Variants in FRAS1 observed in about 807,000 individuals in gnomAD.
The protein encoded by FRAS1 is Fraser extracellular matrix complex subunit 1, also known as extracellular matrix organizing protein FRAS1.
In FRAS1, 290 loss-of-function variants were observed where a neutral mutation model predicts 435.2. The ratio of observed to expected loss-of-function variants is 0.67; its 90% CI spans 0.61 to 0.73. The LOEUF (loss-of-function observed/expected upper bound fraction) is 0.73, where lower values mean the gene tolerates loss of function less well. FRAS1 is among the 30% of genes least tolerant of loss of function. The pLI is 0.00. For missense variants in FRAS1, 4,860 were observed against 5,001.5 expected (o/e 0.97, Z 0.85); for synonymous variants, 1,800 against 1,851.0 (o/e 0.97, Z 0.71).
At chr4:78,123,336 G>A (rs1342995162) in intron 2 of FRAS1, among the ~76,000 whole-genome samples, 4 of 152,072 alleles carry the variant, frequency 2.6e-5, no homozygotes, top group African/African-American at 7.2e-5. Flanking sequence ...ATTGGTCTAT[G>A]TATCTGTTTT....
At chr4:78,428,157 G>T (rs770821554) in intron 35 of FRAS1, among the ~76,000 whole-genome samples, 1 of 152,142 alleles carries the variant, frequency 6.6e-6, no homozygotes, top group Non-Finnish European at 1.5e-5. Flanking sequence ...CTCAGAGATG[G>T]ATGTTCACTT....
intron 2 of FRAS1, chr4:78,181,980 C>A (rs1722030794): frequency 6.3e-7 from 1 of 1,581,776 alleles, no homozygotes; most frequent in Non-Finnish European, 8.5e-7. Flanking sequence ...TCCGATTCGT[C>A]GTCAAATAAC....
intron 2 of FRAS1, among the ~76,000 whole-genome samples, chr4:78,207,651 G>A (rs1723320296): frequency 6.6e-6 from 1 of 152,160 alleles, no homozygotes; most frequent in South Asian, 2.1e-4. Context: ...TAATAGGTCA[G>A]TGAGCTAAAG....
chr4:78,323,545 T>C (rs1729591805), intron 18 of FRAS1, among the ~76,000 whole-genome samples: 2 of 152,208 alleles, frequency 1.3e-5, no homozygotes, highest in Admixed American at 1.3e-4. Context: ...TCAGTCTTCC[T>C]TCACTGATTC....
intron 58 of FRAS1, 116 bp downstream of exon 58, chr4:78,482,651 T>A: frequency 9.2e-7 from 1 of 1,092,630 alleles, no homozygotes; most frequent in Non-Finnish European, 1.4e-6. Context: ...TATGTGTGTG[T>A]AGATGTGTAT....
chr4:78,438,115 G>A (rs1023792390), intron 38 of FRAS1, among the ~76,000 whole-genome samples: 13 of 151,936 alleles, frequency 8.6e-5, no homozygotes, highest in African/African-American at 1.9e-4. Context: ...TTTTATTATC[G>A]TATTATATGT....
chr4:78,414,387 A>T (rs1733469027), intron 32 of FRAS1, among the ~76,000 whole-genome samples: 1 of 152,234 alleles, frequency 6.6e-6, no homozygotes, highest in African/African-American at 2.4e-5. Context: ...AGACTTTTCA[A>T]GTCACTTAGC....
In FRAS1 at chr4:78,374,643, G is replaced by A. The variant is rs187403163; in HGVS notation, c.3151+392G>A. On this transcript the variant is annotated intron_variant, in intron 25 of 73. Transcript: ENST00000512123. ...TCTGACATTGGCATAAATCCTTAAA[G>A]AATGGGATTTTTGGGGACAATTCAG... 1.9e-3 allele frequency among the ~76,000 whole-genome samples: 296 copies of A among 152,310 alleles called. 3 individuals carry two copies. Among genetic ancestry groups the A allele is most frequent in the African/African-American group, 6.3e-3 (264 of 41,588 alleles).
intron 26 of FRAS1, among the ~76,000 whole-genome samples, chr4:78,376,259 T>C (rs1731756173): frequency 6.6e-6 from 1 of 152,188 alleles, no homozygotes; most frequent in Admixed American, 6.5e-5. Flanking sequence ...TCATCATTGT[T>C]TGAACTCCAT....
chr4:78,366,237 T>C (rs545596314), intron 22 of FRAS1, among the ~76,000 whole-genome samples: 1 of 152,200 alleles, frequency 6.6e-6, no homozygotes, highest in East Asian at 1.9e-4. Flanking sequence ...AAAAAAGAGA[T>C]GATATGTAAG....
intron 18 of FRAS1, among the ~76,000 whole-genome samples, chr4:78,321,838 CA>C (rs35661816): frequency 0.021 from 2,251 of 106,228 alleles, 25 homozygotes; most frequent in African/African-American, 0.049. Flanking sequence ...AAAACTTCGT[CA>C]AAAAAAAAAA....
intron 41 of FRAS1, among the ~76,000 whole-genome samples, chr4:78,442,635 G>C (rs1184444178): frequency 6.6e-6 from 1 of 152,204 alleles, no homozygotes; most frequent in Non-Finnish European, 1.5e-5. Flanking sequence ...ACATGGAGGT[G>C]CAGAGATACT....
intron 2 of FRAS1, among the ~76,000 whole-genome samples, chr4:78,085,779 T>C (rs1286842602): frequency 6.6e-6 from 1 of 152,060 alleles, no homozygotes; most frequent in East Asian, 1.9e-4. Context: ...ATAAAGCAAG[T>C]CCTTAGTGAC....
At chr4:78,104,454 G>A (rs944185625) in intron 2 of FRAS1, among the ~76,000 whole-genome samples, 2 of 152,124 alleles carry the variant, frequency 1.3e-5, no homozygotes, top group Non-Finnish European at 1.5e-5. Context: ...AACTACTGGG[G>A]CACATACACT....
At chr4:78,448,381 G>A in intron 44 of FRAS1, 65 bp downstream of exon 44, 2 of 1,430,182 alleles carry the variant, frequency 1.4e-6, no homozygotes, top group Non-Finnish European at 1.9e-6. Flanking sequence ...TGTCCAGTAT[G>A]CAGTACTTTC....
intron 2 of FRAS1, among the ~76,000 whole-genome samples, chr4:78,153,055 T>G (rs568671230): frequency 1.1e-4 from 16 of 152,230 alleles, no homozygotes; most frequent in Admixed American, 2.6e-4. Context: ...TTATATCAAT[T>G]TGTGTTCCTG....
intron 33 of FRAS1, among the ~76,000 whole-genome samples, chr4:78,420,353 A>G (rs952441446): frequency 6.6e-6 from 1 of 152,192 alleles, no homozygotes; most frequent in Non-Finnish European, 1.5e-5. Context: ...AGCCCTTTCA[A>G]ACTAGCAGCC....
chr4:78,256,018 A>T (rs1285527226), intron 6 of FRAS1, among the ~76,000 whole-genome samples: 2 of 152,172 alleles, frequency 1.3e-5, no homozygotes, highest in African/African-American at 4.8e-5. Flanking sequence ...ATGGCAGTTG[A>T]TAGGTAACCA....
chr4:78,067,818 C>T (rs1462183811), intron 2 of FRAS1, among the ~76,000 whole-genome samples: 1 of 149,904 alleles, frequency 6.7e-6, no homozygotes, highest in Non-Finnish European at 1.5e-5. Flanking sequence ...TTCAGCCTCC[C>T]AAGTAGATGG....
Sources: gnomAD v4.1 joint callset for allele counts (sites outside exome capture counted in the v4.1 genomes callset) on GRCh38, gnomAD v4.1.1 for gene constraint, MANE v1.5 for transcripts, NCBI Gene and HGNC (gene_info 2026-07-23, HGNC 2026-07-21) for gene names.